The following CNTRL variants were observed in gnomAD, a reference collection of about 807,000 sequenced individuals.
The protein encoded by CNTRL is centriolin.
Under a neutral mutation model 303.7 loss-of-function variants are expected in CNTRL, and 233 were observed. That is an observed-to-expected ratio of 0.77 (90% confidence interval 0.69 to 0.86). The LOEUF is 0.86. CNTRL is among the 40% of genes least tolerant of loss of function. The pLI, the probability that CNTRL is intolerant of heterozygous loss-of-function variation, is 0.00. For missense variants in CNTRL, 2,524 were observed against 2,650.6 expected (o/e 0.95, Z 1.05); for synonymous variants, 900 against 922.2 (o/e 0.98, Z 0.44).
At chr9:121,145,052 G>T in intron 21 of CNTRL, 93 bp downstream of exon 21, 1 of 1,228,852 alleles carries the variant, frequency 8.1e-7, no homozygotes, top group Admixed American at 1.8e-5. Context: ...AAAGAATTCT[G>T]AAGTGCAATC....
intron 7 of CNTRL, among the ~76,000 whole-genome samples, chr9:121,106,625 G>A (rs2049487311): frequency 6.6e-6 from 1 of 152,080 alleles, no homozygotes; most frequent in Admixed American, 6.6e-5. Context: ...TGGGAAGTTT[G>A]AGAAGAAAGA....
chr9:121,086,985 A>G (rs2048368419), intron 2 of CNTRL, among the ~76,000 whole-genome samples: 1 of 152,204 alleles, frequency 6.6e-6, no homozygotes, highest in Non-Finnish European at 1.5e-5. Context: ...CACTCTGGCT[A>G]TCTGACTGCA....
chr9:121,164,070 T>C (rs1215916328), intron 34 of CNTRL, among the ~76,000 whole-genome samples: 1 of 152,150 alleles, frequency 6.6e-6, no homozygotes, highest in Non-Finnish European at 1.5e-5. Flanking sequence ...TTCACCATGT[T>C]AGCCAGGATG....
At position 121,173,688 on chromosome 9, in the gene CNTRL, G is replaced by A. The variant is rs764304149; in HGVS notation, c.6698G>A (p.Arg2233His). 1.1e-4 allele frequency: 180 copies of A among 1,613,996 alleles called. 1 individual carries two copies. The highest frequency in any genetic ancestry group is 2.5e-4 in the South Asian group (23 of 91,084). Residue 2233 changes from arginine to histidine, a missense_variant, in exon 42 of 44, where the codon CGT (arginine) becomes CAT (histidine). By Grantham distance (29) the Arg-to-His change is conservative. Coordinates refer to ENST00000373855, the MANE Select transcript of CNTRL (RefSeq NM_007018.6). The stretch of plus-strand genomic sequence containing the variant: ...CCTCTGAGAAAGGATGAACACTGGC[G>A]TGGAGAAGCACTCCGGGAGAAACTG... ...SQVHIMDEHW[R>H]GEALREKLRH... is the part of the protein sequence containing the mutation.
chr9:121,169,153 T>C (rs2053208265), intron 38 of CNTRL, among the ~76,000 whole-genome samples: 1 of 152,334 alleles, frequency 6.6e-6, no homozygotes, highest in African/African-American at 2.4e-5. Context: ...TCAGGAAATG[T>C]TTTCCTCTTC....
intron 14 of CNTRL, among the ~76,000 whole-genome samples, chr9:121,128,822 G>T (rs1407674872): frequency 1.3e-5 from 2 of 152,132 alleles, no homozygotes; most frequent in Non-Finnish European, 2.9e-5. Context: ...TTTTGTATAA[G>T]GTGTAAGGAA....
At chr9:121,096,710 C>T in intron 6 of CNTRL, 147 bp downstream of exon 6, 1 of 580,646 alleles carries the variant, frequency 1.7e-6, no homozygotes, top group Non-Finnish European at 2.6e-6. Context: ...CCATGATTTT[C>T]TAGATTAATT....
At chr9:121,156,984 A>C (rs1189754734) in intron 27 of CNTRL, among the ~76,000 whole-genome samples, 1 of 152,220 alleles carries the variant, frequency 6.6e-6, no homozygotes, top group Non-Finnish European at 1.5e-5. Context: ...ATTTAAAATG[A>C]TATAATAGTA....
chr9:121,135,834 A>G lies in CNTRL; in HGVS notation c.2054A>G (p.Gln685Arg). 1.2e-6 allele frequency: 2 copies of G among 1,613,610 alleles called. No individual in the cohort carries two copies. Among genetic ancestry groups the G allele is most frequent in the Non-Finnish European group, 1.7e-6 (2 of 1,179,762 alleles). The stretch of plus-strand genomic sequence containing the variant: ...CTTGCAGAGCTAGAAAGTGCCCTCC[A>G]AGAGCAGCATGAGGTGAATGCATCT... ...KELAELESALQEQHEVNASLQ... is the reference protein window; with the variant it reads ...KELAELESALREQHEVNASLQ... The change falls in exon 15 of 44, where the codon CAA becomes CGA. Residue 685 changes from glutamine (Q) to arginine (R), a missense_variant. Coordinates refer to ENST00000373855, the MANE Select transcript of CNTRL (RefSeq NM_007018.6).
chr9:121,125,774 G>A lies in CNTRL; in HGVS notation c.1863G>A (p.Leu621=). 6.2e-7 allele frequency: 1 copy of A among 1,614,196 alleles called. No homozygotes were observed. The highest frequency in any genetic ancestry group is 8.5e-7 in the Non-Finnish European group (1 of 1,180,026). Reference sequence around the variant, plus strand: ...ATTTAGAAGGTGTTATCAGTGGGTTGCAAGAATACCTGGGGACCATTAAAG... The same window carrying A: ...ATTTAGAAGGTGTTATCAGTGGGTTACAAGAATACCTGGGGACCATTAAAG... The part of the protein sequence containing the change: ...KKDLEGVISG[L]QEYLGTIKGQ... The change falls in exon 14 of 44, where the codon TTG becomes TTA. Residue 621 remains leucine, a synonymous_variant. Transcript: ENST00000373855.
intron 2 of CNTRL, among the ~76,000 whole-genome samples, chr9:121,087,738 C>A (rs1365054512): frequency 6.6e-6 from 1 of 151,946 alleles, no homozygotes; most frequent in African/African-American, 2.4e-5. Context: ...CATTGGGAAC[C>A]ATGGGTGTGC....
Position 121,152,619 on chromosome 9 carries a change from T to C in CNTRL, c.4098T>C (p.Leu1366=), listed in dbSNP as rs1588278767. 6.2e-7 allele frequency: 1 copy of C among 1,614,072 alleles called. No homozygotes were observed. Among genetic ancestry groups the C allele is most frequent in the Non-Finnish European group, 8.5e-7 (1 of 1,179,952 alleles). Residue 1366 remains leucine (L), a synonymous_variant, in exon 26 of 44, where the codon CTT becomes CTC. Coordinates refer to ENST00000373855, the MANE Select transcript of CNTRL (RefSeq NM_007018.6). ...AACTGCATCATAATATTGATGATCT[T>C]TTGCAAGAGAAGAAAAGCTTAGAGT... ...MEELHHNIDD[L]LQEKKSLECE...
At chr9:121,166,939 TGAA>T (rs948677173) in intron 36 of CNTRL, among the ~76,000 whole-genome samples, 1 of 151,786 alleles carries the variant, frequency 6.6e-6, no homozygotes, top group African/African-American at 2.4e-5. Context: ...GAGAATCGCT[TGAA>T]CCCGAGAGGC....
chr9:121,091,308 A>G (rs2048560744), intron 4 of CNTRL, among the ~76,000 whole-genome samples: 1 of 152,236 alleles, frequency 6.6e-6, no homozygotes, highest in Non-Finnish European at 1.5e-5. Context: ...ATTATTCACA[A>G]AAAGTATTTC....
At chr9:121,085,130 C>T (rs1021200398) in intron 2 of CNTRL, among the ~76,000 whole-genome samples, 28 of 151,990 alleles carry the variant, frequency 1.8e-4, no homozygotes, top group African/African-American at 6.3e-4. Flanking sequence ...ATTTCAGAAA[C>T]GATATTTAAC....
In CNTRL at chr9:121,075,050, C is replaced by A; in HGVS notation, c.-222C>A. The A allele has an allele frequency of 6.9e-6, 3 of 431,824 alleles. No homozygotes were observed. Among genetic ancestry groups the A allele is most frequent in the African/African-American group, 2.0e-5 (1 of 49,638 alleles). The allele number at this position is 431,824 out of a possible 1,614,324, so 26.7% of individuals were successfully genotyped here. On this transcript the variant is annotated 5_prime_UTR_variant, in exon 1 of 44. Transcript: ENST00000373855. ...CTCTACCTCAGCCTGCGGGACTGCT[C>A]GGCTCGGCTTCTAGGCGGTGAGCGT...
At chr9:121,129,498 T>C (rs2050732779) in intron 14 of CNTRL, among the ~76,000 whole-genome samples, 1 of 152,220 alleles carries the variant, frequency 6.6e-6, no homozygotes, top group African/African-American at 2.4e-5. Context: ...ATCCTGAGAC[T>C]TTGCTGAAGT....
intron 14 of CNTRL, among the ~76,000 whole-genome samples, chr9:121,126,856 T>C (rs1424095057): frequency 2.0e-5 from 3 of 151,892 alleles, no homozygotes; most frequent in Admixed American, 1.3e-4. Flanking sequence ...ATTTTCGCTC[T>C]TGTTGCCCAG....
intron 34 of CNTRL, among the ~76,000 whole-genome samples, chr9:121,164,073 C>G (rs995012535): frequency 1.3e-5 from 2 of 152,088 alleles, no homozygotes; most frequent in Non-Finnish European, 2.9e-5. Context: ...ACCATGTTAG[C>G]CAGGATGGTC....
Sources: gnomAD v4.1 joint callset for allele counts (sites outside exome capture counted in the v4.1 genomes callset) on GRCh38, gnomAD v4.1.1 for gene constraint, MANE v1.5 for transcripts, NCBI Gene and HGNC (gene_info 2026-07-23, HGNC 2026-07-21) for gene names.